SANBR: variants seen among roughly 807,000 people sequenced by gnomAD.
The protein encoded by SANBR is SANT and BTB domain regulator of class switch recombination.
SANBR carries 77 observed loss-of-function variants against 101.8 expected under a neutral mutation model. The observed-to-expected ratio is 0.76, with a 90% CI of 0.63 to 0.91. The LOEUF (loss-of-function observed/expected upper bound fraction) is 0.91, where lower values mean the gene tolerates loss of function less well. Among genes scored for constraint, SANBR ranks in the 40% least tolerant of loss-of-function variants. The pLI, the probability that SANBR is intolerant of heterozygous loss-of-function variation, is 0.00. For synonymous variants in SANBR, 279 were observed against 274.7 expected, an observed-to-expected ratio of 1.02 and a Z score of -0.15; for missense variants, 875 against 853.0, an observed-to-expected ratio of 1.03 and a Z score of -0.32.
rs377077270 is a variant in SANBR at position 61,101,625 on chromosome 2, C to T, written c.1366-2228C>T. Among the ~76,000 whole-genome samples, 29 of 151,688 alleles carry T rather than the reference C, an allele frequency of 1.9e-4. No homozygotes were observed. The East Asian group carries it at 4.4e-3, about 23-fold the overall frequency. ...GCGGGCGCCTATAGTTCCAGCTACT[C>T]GGGAGGCTGAGGCAGGAGAATGGTG... On this transcript the variant is annotated intron_variant, in intron 12 of 21. Transcript: ENST00000402291.
At chr2:61,098,413 G>A (rs1683136965) in intron 12 of SANBR, among the ~76,000 whole-genome samples, 1 of 151,922 alleles carries the variant, frequency 6.6e-6, no homozygotes. Flanking sequence ...CTTATATATG[G>A]CTTTTTATAT....
intron 8 of SANBR, among the ~76,000 whole-genome samples, chr2:61,087,888 ATGAC>A (rs1443575221): frequency 6.6e-6 from 1 of 151,984 alleles, no homozygotes; most frequent in African/African-American, 2.4e-5. Context: ...AAATTTAAAA[ATGAC>A]TGAAAGATAG....
chr2:61,111,113 G>A (rs1480428848), intron 16 of SANBR, among the ~76,000 whole-genome samples: 1 of 152,042 alleles, frequency 6.6e-6, no homozygotes, highest in East Asian at 1.9e-4. Context: ...ACATGCTGCA[G>A]CCAGGCGCAG....
At chr2:61,087,396 A>AT (rs200541859) in intron 8 of SANBR, among the ~76,000 whole-genome samples, 20 of 146,716 alleles carry the variant, frequency 1.4e-4, no homozygotes, top group South Asian at 4.3e-4. Flanking sequence ...ATCTCTACAG[A>AT]TTTTTTTTTT....
intron 17 of SANBR, 48 bp from the exon 18 acceptor site, chr2:61,117,309 C>T (rs781736021): frequency 6.6e-7 from 1 of 1,519,390 alleles, no homozygotes; most frequent in Non-Finnish European, 9.1e-7. Flanking sequence ...TAGCACTAAT[C>T]AGTAAACATG....
At chr2:61,109,968 G>A (rs1303916024) in intron 16 of SANBR, among the ~76,000 whole-genome samples, 1 of 151,922 alleles carries the variant, frequency 6.6e-6, no homozygotes, top group African/African-American at 2.4e-5. Context: ...CATGGCTATT[G>A]TACAACTATA....
At chr2:61,087,344 G>T (rs766669742) in intron 8 of SANBR, among the ~76,000 whole-genome samples, 3 of 151,968 alleles carry the variant, frequency 2.0e-5, no homozygotes, top group African/African-American at 7.3e-5. Context: ...TTACTTGAAG[G>T]CCAGGAGTCT....
intron 19 of SANBR, 112 bp from the exon 20 acceptor site, chr2:61,117,916 A>G (rs1684151506): frequency 1.0e-5 from 8 of 778,652 alleles, no homozygotes; most frequent in Non-Finnish European, 1.7e-5. Context: ...TGTCTGTAAA[A>G]TAGTATCAAA....
intron 3 of SANBR, among the ~76,000 whole-genome samples, chr2:61,071,288 C>T (rs952910072): frequency 2.4e-4 from 37 of 151,992 alleles, no homozygotes; most frequent in African/African-American, 8.7e-4. Context: ...TGGTGGCTCA[C>T]GCCTGTAATC....
At chr2:61,089,248 C>A (rs1682614104) in intron 10 of SANBR, 23 of 959,000 alleles carry the variant, frequency 2.4e-5, no homozygotes, top group Non-Finnish European at 2.9e-5. Context: ...CGGTGGCTCA[C>A]ACCTATAATC....
intron 13 of SANBR, among the ~76,000 whole-genome samples, chr2:61,105,676 CCTT>C (rs1683525652): frequency 7.1e-6 from 1 of 140,816 alleles, no homozygotes; most frequent in East Asian, 2.3e-4. Context: ...GCACCCCCCT[CCTT>C]TCTTTTTTTT....
intron 20 of SANBR, among the ~76,000 whole-genome samples, chr2:61,131,638 C>A (rs1449280617): frequency 1.3e-5 from 2 of 152,194 alleles, no homozygotes; most frequent in African/African-American, 4.8e-5. Context: ...ACCACAGTCT[C>A]TAGCAGAGAG....
chr2:61,106,390 C>CAAAAA (rs11364653), intron 13 of SANBR, among the ~76,000 whole-genome samples, 173 bp from the exon 14 acceptor site: 33 of 63,200 alleles, frequency 5.2e-4, no homozygotes, highest in East Asian at 1.9e-3. Context: ...GACTCCATCT[C>CAAAAA]AAAAAAAAAA....
chr2:61,096,555 A>G (rs999784829), intron 11 of SANBR, among the ~76,000 whole-genome samples: 3 of 152,080 alleles, frequency 2.0e-5, no homozygotes, highest in African/African-American at 4.8e-5. Context: ...AACTCCTTAG[A>G]CAGTGCTTGC....
chr2:61,118,188 T>A, intron 20 of SANBR, 72 bp downstream of exon 20: 1 of 991,866 alleles, frequency 1.0e-6, no homozygotes, highest in South Asian at 1.5e-5. Context: ...AGCTTAGGAT[T>A]ATAAAGATGT....
At chr2:61,072,727 G>A (rs1370944825) in intron 4 of SANBR, among the ~76,000 whole-genome samples, 2 of 142,228 alleles carry the variant, frequency 1.4e-5, no homozygotes, top group Non-Finnish European at 3.0e-5. Flanking sequence ...TTTTAACTAC[G>A]AATATTCTTT....
chr2:61,134,173 A>G (rs1684774987), exon 21 of SANBR: 1 of 1,613,594 alleles, frequency 6.2e-7, no homozygotes. Flanking sequence ...CACTGTGTCT[A>G]AGAGCAACAG....
chr2:61,127,804 T>C (rs537810181), downstream of SANBR, among the ~76,000 whole-genome samples: 13 of 152,110 alleles, frequency 8.5e-5, no homozygotes, highest in South Asian at 2.7e-3. Context: ...GAAAGGAAGA[T>C]AAAAAAATGT....
At chr2:61,068,554 A>G (rs1260567273) in intron 1 of SANBR, among the ~76,000 whole-genome samples, 7 of 152,222 alleles carry the variant, frequency 4.6e-5, no homozygotes, top group Admixed American at 6.5e-5. Flanking sequence ...TTTTCCTTAC[A>G]GTATAGCTGA....
Sources: gnomAD v4.1 joint callset for allele counts (sites outside exome capture counted in the v4.1 genomes callset) on GRCh38, gnomAD v4.1.1 for gene constraint, MANE v1.5 for transcripts, NCBI Gene and HGNC (gene_info 2026-07-23, HGNC 2026-07-21) for gene names.